The following UNC5D variants were observed in gnomAD, a reference collection of about 807,000 sequenced individuals.
UNC5D encodes netrin receptor UNC5D.
In UNC5D, 39 loss-of-function variants were observed where a neutral mutation model predicts 105.4. The observed-to-expected ratio is 0.37, with a 90% CI of 0.29 to 0.48. The LOEUF is 0.48. Ranked by LOEUF, UNC5D falls within the 20% of genes least tolerant of loss-of-function variation. The probability of loss-of-function intolerance (pLI) is 0.98; values close to 1 mark genes in which losing one functional copy is unlikely to be tolerated. For missense variants in UNC5D, 991 were observed against 1,202.4 expected (o/e 0.82, Z 2.60); for synonymous variants, 452 against 450.4 (o/e 1.00, Z -0.04).
At chr8:35,456,799 A>G (rs908298014) in intron 1 of UNC5D, among the ~76,000 whole-genome samples, 2 of 152,220 alleles carry the variant, frequency 1.3e-5, no homozygotes, top group Non-Finnish European at 2.9e-5. Flanking sequence ...TTAACGCTGC[A>G]TTCCTTAGTG....
chr8:35,750,711 A>G lies in UNC5D; in HGVS notation c.2065A>G (p.Lys689Glu). ...AGAGCCAATCACAGACTGTGCCGTG[A>G]AGCAACTGAAGGTGGCGGTTTTTGG... ...TGEPITDCAV[K>E]QLKVAVFGCM... is the part of the protein sequence containing the mutation. The change falls in exon 13 of 17, where the codon AAG becomes GAG. Residue 689 changes from lysine (K) to glutamate (E), a missense_variant. Transcript: ENST00000404895. The G allele has an allele frequency of 6.2e-7, 1 of 1,614,146 alleles. No homozygotes were observed. The highest frequency in any genetic ancestry group is 8.5e-7 in the Non-Finnish European group (1 of 1,180,012).
intron 8 of UNC5D, among the ~76,000 whole-genome samples, chr8:35,708,902 C>T (rs1827769066): frequency 6.6e-6 from 1 of 152,066 alleles, no homozygotes. Flanking sequence ...CTTCTCTGTC[C>T]CTGTCCTTAA....
Position 35,707,088 on chromosome 8 carries a change from G to A in UNC5D, c.1117+1127G>A, listed in dbSNP as rs541172480. Among the ~76,000 whole-genome samples the A allele has an allele frequency of 3.3e-5, 5 of 152,056 alleles. No individual in the cohort carries two copies. In the South Asian group the frequency reaches 1.0e-3, roughly 32 times the overall value. ...TGACTTTTGATCTTTTAAATCTTAG[G>A]GTATTAAAATTCAAAGAGCTTGGAA... On this transcript the variant is annotated intron_variant, in intron 8 of 16. Transcript: ENST00000404895.
chr8:35,693,990 G>C (rs972660405), intron 7 of UNC5D, among the ~76,000 whole-genome samples: 2 of 152,026 alleles, frequency 1.3e-5, no homozygotes, highest in African/African-American at 4.8e-5. Flanking sequence ...ATTACTTAGA[G>C]AGCGAGGAAA....
chr8:35,517,920 G>A (rs986754017), intron 1 of UNC5D, among the ~76,000 whole-genome samples: 1 of 152,092 alleles, frequency 6.6e-6, no homozygotes, highest in Non-Finnish European at 1.5e-5. Context: ...AGGAACAAGG[G>A]ATCTCACAGG....
intron 1 of UNC5D, among the ~76,000 whole-genome samples, chr8:35,270,715 AT>A (rs1418843841): frequency 6.6e-6 from 1 of 152,146 alleles, no homozygotes; most frequent in African/African-American, 2.4e-5. Flanking sequence ...ATCACTGCTC[AT>A]TTATATTTTT....
intron 2 of UNC5D, among the ~76,000 whole-genome samples, chr8:35,554,880 T>G (rs6980691): frequency 0.23 from 34,774 of 152,106 alleles, 6,108 homozygotes; most frequent in African/African-American, 0.48. Context: ...GACCTCATTG[T>G]GTGTGATTTC....
intron 1 of UNC5D, among the ~76,000 whole-genome samples, chr8:35,278,338 T>C (rs1270987822): frequency 6.6e-6 from 1 of 152,184 alleles, no homozygotes; most frequent in Non-Finnish European, 1.5e-5. Flanking sequence ...GCACGCTTTC[T>C]TCACATTTAA....
chr8:35,255,558 C>A (rs932941809), intron 1 of UNC5D: 3 of 152,112 alleles, frequency 2.0e-5, no homozygotes, highest in South Asian at 4.2e-4. Context: ...ACTGAGAAGG[C>A]TGGTTTTTCT....
In UNC5D at chr8:35,518,996, C is replaced by T. The variant is rs141195781; in HGVS notation, c.104-30296C>T. Among the ~76,000 whole-genome samples the T allele has an allele frequency of 3.8e-3, 586 of 152,270 alleles. 5 individuals carry two copies. The highest frequency in any genetic ancestry group is 0.014 in the Middle Eastern group (4 of 294). On this transcript the variant is annotated intron_variant, in intron 1 of 16. Transcript: ENST00000404895. ...AATCCTAGTTCTATAATTGAAGCCTCATTCCCTCTTGCTTTCTCCAGAAGT... is the reference window on the plus strand; with the variant it reads ...AATCCTAGTTCTATAATTGAAGCCTTATTCCCTCTTGCTTTCTCCAGAAGT...
chr8:35,591,519 A>G (rs1039921703), intron 3 of UNC5D, among the ~76,000 whole-genome samples: 6 of 152,086 alleles, frequency 3.9e-5, no homozygotes, highest in Non-Finnish European at 8.8e-5. Context: ...TTTAGCTTAG[A>G]GAACTATTAT....
rs779527364 is a variant in UNC5D, at chr8:35,726,277, C to T, written c.1429C>T (p.Pro477Ser). 7.4e-6 allele frequency: 12 copies of T among 1,614,104 alleles called. No homozygotes were observed. Among genetic ancestry groups the T allele is most frequent in the Non-Finnish European group, 1.0e-5 (12 of 1,179,998 alleles). Reference protein sequence around the residue: ...ELMTESSLFNPLSDIKVKVQS... With the variant: ...ELMTESSLFNSLSDIKVKVQS... ...CATGACAGAGTCCTCACTCTTTAAC[C>T]CTTTGTCGGACATCAAAGTGAAAGT... Residue 477 changes from proline (P) to serine (S), a missense_variant, in exon 10 of 17, where the codon CCT becomes TCT. Transcript: ENST00000404895.
chr8:35,645,026 C>A (rs1179910237), intron 4 of UNC5D, among the ~76,000 whole-genome samples: 2 of 152,150 alleles, frequency 1.3e-5, no homozygotes, highest in Admixed American at 6.6e-5. Context: ...ACAATCCAGA[C>A]AATCATAGCG....
chr8:35,782,504 T>A (rs866379509), intron 16 of UNC5D, among the ~76,000 whole-genome samples: 3,874 of 143,188 alleles, frequency 0.027, 77 homozygotes, highest in African/African-American at 0.072. Flanking sequence ...ACTCAAAAAT[T>A]TTTTTTTTTT....
chr8:35,726,079 G>T, intron 9 of UNC5D, 73 bp from the exon 10 acceptor site: 1 of 1,527,550 alleles, frequency 6.5e-7, no homozygotes. Context: ...TGCGCAGTTT[G>T]CAGAGGCAGA....
At position 35,549,492 on chromosome 8, in the gene UNC5D, A is replaced by G. The variant is rs1229303818; in HGVS notation, c.304A>G (p.Thr102Ala). Residue 102 changes from threonine (T) to alanine (A), a missense_variant, in exon 2 of 17, where the codon ACT (threonine) becomes GCT (alanine). Thr to Ala is a moderately conservative substitution (Grantham distance 58, BLOSUM62 0). Transcript: ENST00000404895. ...VHQNEHVSEETLDESSGLKVR... is the reference protein window; with the variant it reads ...VHQNEHVSEEALDESSGLKVR... ...TCAGAACGAGCACGTCTCTGAAGAGACTCTGGACGAGAGCTCAGGTAGGAG... is the reference window on the plus strand; with the variant it reads ...TCAGAACGAGCACGTCTCTGAAGAGGCTCTGGACGAGAGCTCAGGTAGGAG... The G allele has an allele frequency of 6.2e-7, 1 of 1,611,824 alleles. No individual in the cohort carries two copies. Among genetic ancestry groups the G allele is most frequent in the Non-Finnish European group, 8.5e-7 (1 of 1,179,790 alleles).
intron 3 of UNC5D, among the ~76,000 whole-genome samples, chr8:35,586,230 C>T (rs1447843969): frequency 2.6e-5 from 4 of 152,150 alleles, no homozygotes; most frequent in Non-Finnish European, 4.4e-5. Context: ...GCCAAGATTG[C>T]ACCACTGCAC....
intron 3 of UNC5D, among the ~76,000 whole-genome samples, chr8:35,579,002 G>A (rs1210787189): frequency 6.6e-6 from 1 of 152,138 alleles, no homozygotes; most frequent in African/African-American, 2.4e-5. Flanking sequence ...TTCTTATGGT[G>A]AAATTCACCT....
At chr8:35,474,859 A>T (rs550669323) in intron 1 of UNC5D, among the ~76,000 whole-genome samples, 4 of 152,342 alleles carry the variant, frequency 2.6e-5, no homozygotes, top group African/African-American at 9.6e-5. Context: ...TCCACTTCAC[A>T]GTGGTGGAAA....
Sources: allele counts gnomAD v4.1 joint callset (sites outside exome capture counted in the v4.1 genomes callset), GRCh38; gene constraint gnomAD v4.1.1; transcripts MANE v1.5; gene names NCBI Gene and HGNC (gene_info 2026-07-23, HGNC 2026-07-21).